The following TMEM74 variants were observed in gnomAD, a reference collection of about 807,000 sequenced individuals.
TMEM74 encodes transmembrane protein 74.
A neutral mutation model predicts 18.1 loss-of-function variants in TMEM74; 13 were observed. The ratio of observed to expected loss-of-function variants is 0.72; its 90% confidence interval spans 0.47 to 1.14. TMEM74 has a LOEUF of 1.14. TMEM74 is among the 50% of genes most tolerant of loss of function. The pLI, the probability that TMEM74 is intolerant of heterozygous loss-of-function variation, is 0.00. For missense variants in TMEM74, 372 were observed against 375.9 expected, an observed-to-expected ratio of 0.99 and a Z score of 0.09; for synonymous variants, 159 against 146.6, an observed-to-expected ratio of 1.08 and a Z score of -0.61.
downstream of TMEM74, among the ~76,000 whole-genome samples, chr8:108,775,434 T>C (rs1814222231): frequency 6.6e-6 from 1 of 152,168 alleles, no homozygotes; most frequent in Non-Finnish European, 1.5e-5. Context: ...GCTCAAACAG[T>C]CTAAGGCTCA....
rs1032687672 is a variant in TMEM74, at chr8:108,784,658, C to A, written c.441G>T (p.Trp147Cys). 5.6e-6 allele frequency: 9 copies of A among 1,614,066 alleles called. No homozygotes were observed. The highest frequency in any genetic ancestry group is 7.6e-6 in the Non-Finnish European group (9 of 1,180,032). ...TCAAAGATATGGCAGCCTCTTGGGA[C>A]CACTCATTTGGATTTTCCCAGCCAA... ...GELGWENPNE[W>C]SQEAAISLIS... is the part of the protein sequence containing the mutation. The change falls in exon 2 of 2, where the codon TGG (tryptophan) becomes TGT (cysteine). Residue 147 changes from tryptophan (W) to cysteine (C), a missense_variant. Trp to Cys is a radical substitution (Grantham distance 215). Coordinates refer to ENST00000297459, the MANE Select transcript of TMEM74 (RefSeq NM_153015.3).
chr8:108,749,998 C>T (rs1813888595), intron 1 of TMEM74, among the ~76,000 whole-genome samples: 4 of 152,112 alleles, frequency 2.6e-5, no homozygotes, highest in Admixed American at 2.6e-4. Flanking sequence ...TGTGCCACAC[C>T]TCACAGGACT....
At chr8:108,732,311 T>C (rs1813703230) in intron 1 of TMEM74, among the ~76,000 whole-genome samples, 1 of 152,218 alleles carries the variant, frequency 6.6e-6, no homozygotes, top group South Asian at 2.1e-4. Flanking sequence ...TGTTTAGCTG[T>C]CCATTCTCTC....
At chr8:108,632,042 G>A (rs996057439) in intron 2 of TMEM74, among the ~76,000 whole-genome samples, 3 of 151,974 alleles carry the variant, frequency 2.0e-5, no homozygotes, top group Non-Finnish European at 4.4e-5. Context: ...TCAACTGGGA[G>A]GCAGGTGAGT....
At position 108,782,941 on chromosome 8, in the gene TMEM74, A is replaced by G. The variant is rs577801580; in HGVS notation, c.*1240T>C. On this transcript the variant is annotated 3_prime_UTR_variant, in exon 2 of 2. Transcript: ENST00000297459. Reference sequence around the variant, plus strand: ...TGAACACCCAGTGTGTGTCTTGCAAAGTGAGCACCTTGCTCATCATGCTGC... The same window carrying G: ...TGAACACCCAGTGTGTGTCTTGCAAGGTGAGCACCTTGCTCATCATGCTGC... 3.3e-5 allele frequency among the ~76,000 whole-genome samples: 5 copies of G among 152,300 alleles called. No homozygotes were observed. The East Asian group carries it at 9.6e-4, about 29-fold the overall frequency.
intron 2 of TMEM74, chr8:108,652,359 T>TA (rs1381545449): frequency 4.9e-6 from 1 of 202,312 alleles, no homozygotes; most frequent in Non-Finnish European, 1.0e-5. Flanking sequence ...CATGATGGGA[T>TA]AAGTGGACTA....
At chr8:108,684,014 C>G (rs544736738) in intron 1 of TMEM74, among the ~76,000 whole-genome samples, 1 of 152,160 alleles carries the variant, frequency 6.6e-6, no homozygotes, top group South Asian at 2.1e-4. Context: ...TTGTTGGACA[C>G]TTAGATTGAT....
At chr8:108,720,925 C>T (rs773266729) in intron 1 of TMEM74, among the ~76,000 whole-genome samples, 8 of 152,004 alleles carry the variant, frequency 5.3e-5, no homozygotes, top group Admixed American at 3.3e-4. Flanking sequence ...TCCACCACCA[C>T]GCTTGGCTAA....
intron 1 of TMEM74, among the ~76,000 whole-genome samples, chr8:108,765,256 A>G (rs1814091136): frequency 6.6e-6 from 1 of 152,122 alleles, no homozygotes; most frequent in African/African-American, 2.4e-5. Flanking sequence ...TGCCTTACTT[A>G]GAGTACTCTC....
intron 1 of TMEM74, among the ~76,000 whole-genome samples, chr8:108,765,406 A>AC (rs1814093786): frequency 1.2e-5 from 1 of 82,706 alleles, no homozygotes; most frequent in Non-Finnish European, 2.4e-5. Context: ...GTTTGGAACT[A>AC]CTTTTTTTTT....
intron 1 of TMEM74, among the ~76,000 whole-genome samples, chr8:108,704,831 G>A (rs1312925281): frequency 6.6e-6 from 1 of 152,172 alleles, no homozygotes; most frequent in African/African-American, 2.4e-5. Context: ...AGGTGTCTGA[G>A]GATTATGTGT....
At chr8:108,676,916 T>TTA in intron 1 of TMEM74, among the ~76,000 whole-genome samples, 1 of 152,328 alleles carries the variant, frequency 6.6e-6, no homozygotes, top group East Asian at 1.9e-4. Flanking sequence ...CAATAAATGT[T>TTA]TATGAGCTTG....
At chr8:108,610,630 G>A (rs1333733154) in intron 2 of TMEM74, among the ~76,000 whole-genome samples, 1 of 152,176 alleles carries the variant, frequency 6.6e-6, no homozygotes, top group Non-Finnish European at 1.5e-5. Flanking sequence ...ACAGCCACAG[G>A]AATGCCTTAG....
intron 1 of TMEM74, among the ~76,000 whole-genome samples, chr8:108,736,098 T>C (rs1813747346): frequency 6.6e-6 from 1 of 152,098 alleles, no homozygotes. Flanking sequence ...CCCTAGTTTC[T>C]AACCTCAGCT....
intron 1 of TMEM74, among the ~76,000 whole-genome samples, chr8:108,720,941 G>T (rs1250662668): frequency 6.6e-6 from 1 of 151,850 alleles, no homozygotes; most frequent in African/African-American, 2.4e-5. Context: ...GCTAATTTTC[G>T]TACTTTTAGT....
intron 1 of TMEM74, among the ~76,000 whole-genome samples, chr8:108,772,410 G>A (rs1814183315): frequency 6.6e-6 from 1 of 152,134 alleles, no homozygotes; most frequent in South Asian, 2.1e-4. Context: ...ATTGATCTGG[G>A]TTCTGTGGAG....
intron 1 of TMEM74, among the ~76,000 whole-genome samples, chr8:108,669,280 G>A (rs998834756): frequency 3.3e-5 from 5 of 152,038 alleles, no homozygotes; most frequent in African/African-American, 1.2e-4. Flanking sequence ...TGCCAAAGTC[G>A]CTGAGGCTGG....
chr8:108,694,755 A>T (rs1246676175), intron 1 of TMEM74, among the ~76,000 whole-genome samples: 1 of 152,234 alleles, frequency 6.6e-6, no homozygotes, highest in Non-Finnish European at 1.5e-5. Flanking sequence ...TAAGGATTTG[A>T]CCGTACACAA....
chr8:108,703,763 A>G (rs1167030416), intron 1 of TMEM74, among the ~76,000 whole-genome samples: 1 of 152,208 alleles, frequency 6.6e-6, no homozygotes, highest in Non-Finnish European at 1.5e-5. Flanking sequence ...GAGGGAATGA[A>G]TCTCTTTCTC....
Sources: allele counts gnomAD v4.1 joint callset (sites outside exome capture counted in the v4.1 genomes callset), GRCh38; gene constraint gnomAD v4.1.1; transcripts MANE v1.5; gene names NCBI Gene and HGNC (gene_info 2026-07-23, HGNC 2026-07-21).